DNAAF10: variants seen among roughly 807,000 people sequenced by gnomAD.
DNAAF10 encodes the protein WD repeat domain 92.
In DNAAF10, 28 loss-of-function variants were observed where a neutral mutation model predicts 43.7. The observed-to-expected ratio is 0.64, with a 90% CI of 0.48 to 0.88. The LOEUF (loss-of-function observed/expected upper bound fraction) is 0.88. Ranked by LOEUF, DNAAF10 falls within the 40% of genes least tolerant of loss-of-function variation. The probability of loss-of-function intolerance (pLI) is 0.00; values close to 1 mark genes in which losing one functional copy is unlikely to be tolerated. For missense variants in DNAAF10, 403 were observed against 439.1 expected (o/e 0.92, Z 0.73); for synonymous variants, 156 against 157.3 (o/e 0.99, Z 0.06).
intron 4 of DNAAF10, among the ~76,000 whole-genome samples, chr2:68,140,282 G>A (rs1427167899): frequency 6.6e-6 from 1 of 151,690 alleles, no homozygotes; most frequent in Non-Finnish European, 1.5e-5. Context: ...TCCACTGTGG[G>A]CCCCACCTAG....
intron 7 of DNAAF10, chr2:68,134,054 G>C (rs1477443356): frequency 1.2e-6 from 1 of 855,974 alleles, no homozygotes; most frequent in South Asian, 5.4e-5. Context: ...ATATTGCTTA[G>C]CTAATAAAGT....
At chr2:68,148,835 G>A (rs1273243874) in intron 1 of DNAAF10, among the ~76,000 whole-genome samples, 1 of 152,212 alleles carries the variant, frequency 6.6e-6, no homozygotes, top group Non-Finnish European at 1.5e-5. Context: ...GAAGGAAAAA[G>A]TGAGTCCCTT....
rs535926678 is a variant in DNAAF10, at chr2:68,147,818, AG to A, written c.184-252del. On this transcript the variant is annotated intron_variant, in intron 1 of 7. Coordinates refer to ENST00000295121, the MANE Select transcript of DNAAF10 (RefSeq NM_138458.4). ...ACTAATGAGACATTCAAATGCTGAC[AG>A]CTCTACAATCTCTATTGCAAATATG... 9.2e-5 allele frequency among the ~76,000 whole-genome samples: 14 copies of A among 152,346 alleles called. No individual in the cohort carries two copies. The South Asian group carries it at 2.7e-3, about 29-fold the overall frequency.
At chr2:68,142,210 T>C (rs1268689475) in intron 3 of DNAAF10, among the ~76,000 whole-genome samples, 5 of 152,242 alleles carry the variant, frequency 3.3e-5, no homozygotes, top group African/African-American at 9.6e-5. Context: ...CACTCTAATT[T>C]TGAATTAATG....
chr2:68,133,141 C>T (rs1672959283), intron 7 of DNAAF10, among the ~76,000 whole-genome samples: 1 of 152,184 alleles, frequency 6.6e-6, no homozygotes, highest in Admixed American at 6.5e-5. Flanking sequence ...GGGAAAGTAG[C>T]AAGTGATCTC....
chr2:68,136,963 C>G (rs973275836), intron 6 of DNAAF10, among the ~76,000 whole-genome samples: 2 of 151,932 alleles, frequency 1.3e-5, no homozygotes, highest in Admixed American at 1.3e-4. Flanking sequence ...AAATATATAA[C>G]CAGGTATTAG....
At chr2:68,144,539 T>C (rs749907708) in intron 3 of DNAAF10, 46 bp downstream of exon 3, 26 of 1,601,086 alleles carry the variant, frequency 1.6e-5, no homozygotes, top group African/African-American at 5.4e-5. Flanking sequence ...GCATAGAGAT[T>C]TCCATTAAAA....
At chr2:68,133,217 G>GTTGT (rs893613421) in intron 7 of DNAAF10, among the ~76,000 whole-genome samples, 69 of 152,132 alleles carry the variant, frequency 4.5e-4, no homozygotes, top group Middle Eastern at 3.4e-3. Flanking sequence ...AACCATATTG[G>GTTGT]TTGTTTGTTT....
intron 6 of DNAAF10, 60 bp downstream of exon 6, chr2:68,137,238 CT>C: frequency 4.0e-6 from 6 of 1,502,762 alleles, no homozygotes; most frequent in Non-Finnish European, 5.3e-6. Context: ...ACTAATTCTA[CT>C]TATCAGTCTA....
At chr2:68,152,983 A>AT (rs993858352) in intron 1 of DNAAF10, among the ~76,000 whole-genome samples, 6 of 152,012 alleles carry the variant, frequency 3.9e-5, no homozygotes, top group Non-Finnish European at 5.9e-5. Flanking sequence ...GCTTATTGCT[A>AT]TTTTTTTTAA....
At chr2:68,148,825 G>C (rs1673388240) in intron 1 of DNAAF10, among the ~76,000 whole-genome samples, 1 of 152,186 alleles carries the variant, frequency 6.6e-6, no homozygotes, top group Non-Finnish European at 1.5e-5. Flanking sequence ...CAAAAGGATG[G>C]AAGGAAAAAG....
At chr2:68,142,475 T>G (rs1673210500) in intron 3 of DNAAF10, among the ~76,000 whole-genome samples, 1 of 152,170 alleles carries the variant, frequency 6.6e-6, no homozygotes, top group Non-Finnish European at 1.5e-5. Flanking sequence ...GCCAGGCTGG[T>G]CTCAAACTCC....
At chr2:68,134,509 T>C (rs1443692715) in intron 7 of DNAAF10, 193 bp downstream of exon 7, 2 of 1,413,020 alleles carry the variant, frequency 1.4e-6, no homozygotes, top group Non-Finnish European at 1.8e-6. Context: ...AGAAGATTAG[T>C]GTACACTCTA....
At chr2:68,140,813 A>G (rs993918893) in intron 4 of DNAAF10, among the ~76,000 whole-genome samples, 1 of 152,222 alleles carries the variant, frequency 6.6e-6, no homozygotes, top group African/African-American at 2.4e-5. Context: ...TAGGCAACCA[A>G]CAATGGATCG....
rs755804632 is a variant in DNAAF10, at chr2:68,137,385, C to A, written c.682G>T (p.Val228Leu). Residue 228 changes from valine (V) to leucine (L), a missense_variant, in exon 6 of 8, where the codon GTA becomes TTA. Physicochemically the swap from Val to Leu is conservative, Grantham distance 32 (BLOSUM62 1). Coordinates refer to ENST00000295121, the MANE Select transcript of DNAAF10 (RefSeq NM_138458.4). ...AACTTTCCTTCCAGAGATGTGGCTA[C>A]TAACTTATTCATACTTATGTCTTTT... ...DRKDISMNKL[V>L]ATSLEGKFHV... 1 of 1,613,470 alleles carries A rather than the reference C, an allele frequency of 6.2e-7. No individual in the cohort carries two copies. Among genetic ancestry groups the A allele is most frequent in the Non-Finnish European group, 8.5e-7 (1 of 1,179,696 alleles).
intron 2 of DNAAF10, 86 bp downstream of exon 2, chr2:68,147,381 A>G: frequency 1.0e-6 from 1 of 1,004,602 alleles, no homozygotes; most frequent in Non-Finnish European, 1.5e-6. Flanking sequence ...TTTAAAATTA[A>G]AATTCTCTCT....
At position 68,131,276 on chromosome 2, in the gene DNAAF10, C is replaced by T. The variant is rs774050648; in HGVS notation, c.1036G>A (p.Val346Met). Reference sequence around the variant, plus strand: ...AGCTTTGTAACGATCAGTACTCTCACCGTTTGGTCAAATGAACTACAGACG... The same window carrying T: ...AGCTTTGTAACGATCAGTACTCTCATCGTTTGGTCAAATGAACTACAGACG... ...LCVCSSFDQT[V>M]RVLIVTKLNK... Residue 346 changes from valine to methionine, a missense_variant, in exon 8 of 8, where the codon GTG becomes ATG. Coordinates refer to ENST00000295121, the MANE Select transcript of DNAAF10 (RefSeq NM_138458.4). 13 of 1,614,052 alleles carry T rather than the reference C, an allele frequency of 8.1e-6. No individual in the cohort carries two copies. The highest frequency in any genetic ancestry group is 5.5e-5 in the South Asian group (5 of 91,086).
intron 3 of DNAAF10, among the ~76,000 whole-genome samples, chr2:68,142,720 A>T (rs1673218362): frequency 6.6e-6 from 1 of 152,236 alleles, no homozygotes; most frequent in East Asian, 1.9e-4. Context: ...CCTACAAAAA[A>T]TGCAAATGCA....
chr2:68,134,962 G>A (rs562861523), intron 6 of DNAAF10, among the ~76,000 whole-genome samples, 163 bp from the exon 7 acceptor site: 13 of 152,068 alleles, frequency 8.5e-5, no homozygotes, highest in Non-Finnish European at 1.6e-4. Flanking sequence ...GAGATTTATA[G>A]GAACACATAA....
Sources: allele counts gnomAD v4.1 joint callset (sites outside exome capture counted in the v4.1 genomes callset), GRCh38; gene constraint gnomAD v4.1.1; transcripts MANE v1.5; gene names NCBI Gene and HGNC (gene_info 2026-07-23, HGNC 2026-07-21).